The following CACNA1E variants were observed in gnomAD, a reference collection of about 807,000 sequenced individuals.
CACNA1E encodes voltage-dependent R-type calcium channel subunit alpha-1E.
Under a neutral mutation model 259.2 loss-of-function variants are expected in CACNA1E, and 40 were observed. The observed-to-expected ratio is 0.15, with a 90% CI of 0.12 to 0.20. CACNA1E has a LOEUF of 0.20. CACNA1E is among the 10% of genes least tolerant of loss of function. The probability of loss-of-function intolerance (pLI) is 1.00; values close to 1 mark genes in which losing one functional copy is unlikely to be tolerated. For missense variants in CACNA1E, 1,874 were observed against 3,040.1 expected (o/e 0.62, Z 9.02); for synonymous variants, 1,104 against 1,138.5 (o/e 0.97, Z 0.61).
chr1:181,414,183 T>C (rs1658090628), intron 2 of CACNA1E, among the ~76,000 whole-genome samples: 1 of 152,230 alleles, frequency 6.6e-6, no homozygotes, highest in Non-Finnish European at 1.5e-5. Flanking sequence ...AGATGGGATT[T>C]CACTTAATTC....
intron 3 of CACNA1E, among the ~76,000 whole-genome samples, chr1:181,514,144 T>A (rs960304700): frequency 2.0e-5 from 3 of 152,192 alleles, no homozygotes; most frequent in African/African-American, 7.2e-5. Context: ...AGTCTTACAG[T>A]CACATGATGC....
chr1:181,569,380 T>A (rs954252297), intron 3 of CACNA1E, among the ~76,000 whole-genome samples: 3 of 152,176 alleles, frequency 2.0e-5, no homozygotes, highest in Non-Finnish European at 2.9e-5. Flanking sequence ...GGGCTTGACA[T>A]CTTTTACACC....
intron 34 of CACNA1E, among the ~76,000 whole-genome samples, chr1:181,764,462 C>T (rs1658857296): frequency 6.6e-6 from 1 of 152,164 alleles, no homozygotes; most frequent in Non-Finnish European, 1.5e-5. Context: ...AGAAGGCAAG[C>T]CAGTGAATTC....
At chr1:181,490,596 C>T (rs1320250925) in intron 1 of CACNA1E, among the ~76,000 whole-genome samples, 1 of 145,756 alleles carries the variant, frequency 6.9e-6, no homozygotes, top group African/African-American at 2.6e-5. Context: ...ACTGTTGCAA[C>T]TCTGCATAAT....
At chr1:181,368,042 C>G (rs1341080439) in intron 1 of CACNA1E, among the ~76,000 whole-genome samples, 1 of 152,042 alleles carries the variant, frequency 6.6e-6, no homozygotes, top group Non-Finnish European at 1.5e-5. Context: ...ACCAGCCTGG[C>G]CAACATGGTG....
chr1:181,769,842 C>T (rs143591704), intron 35 of CACNA1E, among the ~76,000 whole-genome samples: 288 of 152,304 alleles, frequency 1.9e-3, no homozygotes, highest in African/African-American at 6.8e-3. Flanking sequence ...GAAATGTGAA[C>T]AGGGCAAGGA....
At chr1:181,521,970 C>G (rs2102679873) in intron 3 of CACNA1E, among the ~76,000 whole-genome samples, 1 of 152,254 alleles carries the variant, frequency 6.6e-6, no homozygotes, top group South Asian at 2.1e-4. Context: ...CCACATCATT[C>G]ACATCATTCA....
intron 2 of CACNA1E, among the ~76,000 whole-genome samples, chr1:181,470,257 C>T (rs1476858047): frequency 1.3e-5 from 2 of 151,970 alleles, no homozygotes; most frequent in African/African-American, 2.4e-5. Context: ...GCTGTGATCA[C>T]AGCTCACTGC....
chr1:181,780,846 C>T (rs1390155988), intron 38 of CACNA1E, among the ~76,000 whole-genome samples: 1 of 152,094 alleles, frequency 6.6e-6, no homozygotes, highest in African/African-American at 2.4e-5. Flanking sequence ...TGCAAGACGC[C>T]GCCTCCTGCT....
At chr1:181,721,927 A>T in intron 16 of CACNA1E, 52 bp downstream of exon 16, 1 of 1,169,066 alleles carries the variant, frequency 8.6e-7, no homozygotes, top group African/African-American at 1.5e-5. Context: ...CTGGACCAGC[A>T]TTTGAGGAGG....
At chr1:181,349,526 G>A (rs1652868020) in intron 1 of CACNA1E, among the ~76,000 whole-genome samples, 1 of 152,182 alleles carries the variant, frequency 6.6e-6, no homozygotes, top group Admixed American at 6.5e-5. Context: ...AGAGAAGGGA[G>A]ACCTTGAACT....
At chr1:181,587,728 A>T (rs1433753168) in intron 6 of CACNA1E, among the ~76,000 whole-genome samples, 1 of 152,054 alleles carries the variant, frequency 6.6e-6, no homozygotes, top group African/African-American at 2.4e-5. Context: ...CTAAAAATAT[A>T]AAAAAATAGC....
intron 3 of CACNA1E, among the ~76,000 whole-genome samples, chr1:181,563,850 G>A (rs964116201): frequency 6.6e-6 from 1 of 152,164 alleles, no homozygotes; most frequent in Non-Finnish European, 1.5e-5. Flanking sequence ...TCTCAAGAAA[G>A]TCACATAAAT....
intron 25 of CACNA1E, among the ~76,000 whole-genome samples, chr1:181,747,651 T>C (rs896887673): frequency 6.6e-6 from 1 of 152,192 alleles, no homozygotes; most frequent in Admixed American, 6.5e-5. Context: ...AGTGTAAAAA[T>C]ATCTGATTAT....
chr1:181,546,678 C>T (rs1332310977), intron 3 of CACNA1E, among the ~76,000 whole-genome samples: 1 of 152,142 alleles, frequency 6.6e-6, no homozygotes, highest in African/African-American at 2.4e-5. Context: ...GATAAACACA[C>T]CCTCTTCTCT....
chr1:181,619,183 G>A (rs1655494934), intron 6 of CACNA1E, among the ~76,000 whole-genome samples: 1 of 136,282 alleles, frequency 7.3e-6, no homozygotes, highest in Non-Finnish European at 1.6e-5. Context: ...AGTACAAGGG[G>A]ACGGGGTCGG....
chr1:181,690,277 G>A (rs2102317279), intron 7 of CACNA1E, among the ~76,000 whole-genome samples: 1 of 152,294 alleles, frequency 6.6e-6, no homozygotes, highest in Non-Finnish European at 1.5e-5. Context: ...TCAAAGATCA[G>A]ATGGTTGTAG....
intron 1 of CACNA1E, among the ~76,000 whole-genome samples, chr1:181,505,574 C>T (rs1665640817): frequency 6.6e-6 from 1 of 152,038 alleles, no homozygotes; most frequent in Non-Finnish European, 1.5e-5. Flanking sequence ...TGGGGTTTCA[C>T]CGTGTTAGCC....
chr1:181,590,965 A>T (rs931769261), intron 6 of CACNA1E, among the ~76,000 whole-genome samples: 2 of 152,222 alleles, frequency 1.3e-5, no homozygotes, highest in Admixed American at 6.5e-5. Context: ...TCAAAAATTG[A>T]ATAATTCTGT....
Sources: allele counts gnomAD v4.1 joint callset (sites outside exome capture counted in the v4.1 genomes callset), GRCh38; gene constraint gnomAD v4.1.1; transcripts MANE v1.5; gene names NCBI Gene and HGNC (gene_info 2026-07-23, HGNC 2026-07-21).